The following AK4 variants were observed in gnomAD, a reference collection of about 807,000 sequenced individuals.
AK4 encodes the protein adenylate kinase 4, also known as adenylate kinase 4, mitochondrial.
In AK4, 13 loss-of-function variants were observed where a neutral mutation model predicts 24.6. The observed-to-expected ratio is 0.53, with a 90% CI of 0.34 to 0.84. The LOEUF (loss-of-function observed/expected upper bound fraction) is 0.84, where lower values mean the gene tolerates loss of function less well. AK4 is among the 40% of genes least tolerant of loss of function. The pLI, the probability that AK4 is intolerant of heterozygous loss-of-function variation, is 0.01. For synonymous variants in AK4, 88 were observed against 107.0 expected, an observed-to-expected ratio of 0.82 and a Z score of 1.10; for missense variants, 192 against 288.2, an observed-to-expected ratio of 0.67 and a Z score of 2.42.
At chr1:65,210,394 G>A (rs1037822701) in intron 2 of AK4, among the ~76,000 whole-genome samples, 11 of 151,922 alleles carry the variant, frequency 7.2e-5, no homozygotes, top group African/African-American at 2.2e-4. Flanking sequence ...TTTTATATCC[G>A]CTTCGGTTTC....
chr1:65,188,603 C>A (rs1410180802), intron 1 of AK4, among the ~76,000 whole-genome samples: 1 of 145,390 alleles, frequency 6.9e-6, no homozygotes, highest in South Asian at 2.2e-4. Context: ...CTCAGTCTCC[C>A]GAGTAGCTGG....
chr1:65,167,916 G>C (rs1570078457), intron 1 of AK4, among the ~76,000 whole-genome samples: 2 of 152,022 alleles, frequency 1.3e-5, no homozygotes. Context: ...AATTAAATCC[G>C]CTAGCTCTTC....
Position 65,226,766 on chromosome 1 carries a change from G to C in AK4, c.*589G>C, listed in dbSNP as rs1161946083. On this transcript the variant is annotated 3_prime_UTR_variant, in exon 5 of 5. Transcript: ENST00000327299. The stretch of plus-strand genomic sequence containing the variant: ...CTTTTCTACATCCACGCTCCATAGA[G>C]TCTCTCCTTTTCAGACATCCTGGGA... 6.6e-6 allele frequency: 1 copy of C among 150,452 alleles called. No homozygotes were observed. The highest frequency in any genetic ancestry group is 2.4e-5 in the African/African-American group (1 of 40,842). The allele number at this position is 150,452 out of a possible 1,614,324, so 9.3% of individuals were successfully genotyped here.
chr1:65,161,417 A>G (rs1449393454), intron 1 of AK4, among the ~76,000 whole-genome samples: 1 of 152,138 alleles, frequency 6.6e-6, no homozygotes, highest in Non-Finnish European at 1.5e-5. Flanking sequence ...GGCGGTGCGC[A>G]TGCATGCAGG....
rs1266777260 is a variant in AK4 at position 65,230,639 on chromosome 1, T to C, written c.*4462T>C. Reference sequence around the variant, plus strand: ...TTATTTAAACGGGTTTTCATGTACCTGTAGGGATTAGGAAACTCAAATGGC... The same window carrying C: ...TTATTTAAACGGGTTTTCATGTACCCGTAGGGATTAGGAAACTCAAATGGC... On this transcript the variant is annotated 3_prime_UTR_variant, in exon 5 of 5. Coordinates refer to ENST00000327299, the MANE Select transcript of AK4 (RefSeq NM_013410.4). The C allele has an allele frequency of 2.0e-5, 3 of 152,242 alleles. No individual in the cohort carries two copies. The highest frequency in any genetic ancestry group is 4.4e-5 in the Non-Finnish European group (3 of 68,038). The allele number at this position is 152,242 out of a possible 1,614,324, so 9.4% of individuals were successfully genotyped here.
chr1:65,154,981 G>A (rs1231012833), intron 1 of AK4, among the ~76,000 whole-genome samples: 3 of 151,646 alleles, frequency 2.0e-5, no homozygotes, highest in Admixed American at 1.3e-4. Context: ...TTCCCAAGTA[G>A]CTGGGATTAC....
chr1:65,209,059 A>G (rs905908956), intron 2 of AK4, among the ~76,000 whole-genome samples: 40 of 152,390 alleles, frequency 2.6e-4, no homozygotes, highest in South Asian at 8.3e-4. Context: ...AGATTCTGGA[A>G]GAAATTTAAA....
At chr1:65,177,324 T>G (rs947335098) in intron 1 of AK4, among the ~76,000 whole-genome samples, 13 of 152,216 alleles carry the variant, frequency 8.5e-5, no homozygotes, top group African/African-American at 2.9e-4. Context: ...TTTCAAAGTT[T>G]TAAAAATTAT....
intron 2 of AK4, among the ~76,000 whole-genome samples, chr1:65,199,104 A>G (rs1264846881): frequency 6.9e-6 from 1 of 144,496 alleles, no homozygotes; most frequent in African/African-American, 2.6e-5. Context: ...AAAAAAAAAA[A>G]GAATTTGGGC....
chr1:65,197,920 C>CA (rs1170173676), intron 2 of AK4, among the ~76,000 whole-genome samples: 1 of 152,036 alleles, frequency 6.6e-6, no homozygotes, highest in African/African-American at 2.4e-5. Flanking sequence ...TAGGAAATGC[C>CA]AAGGGTAATT....
intron 2 of AK4, among the ~76,000 whole-genome samples, chr1:65,209,194 G>A (rs559990598): frequency 8.5e-5 from 13 of 152,294 alleles, no homozygotes; most frequent in African/African-American, 2.4e-4. Flanking sequence ...TAAAGCATGC[G>A]GTGGAACAGA....
At chr1:65,202,933 AC>A (rs35119851) in intron 2 of AK4, among the ~76,000 whole-genome samples, 56,201 of 142,868 alleles carry the variant, frequency 0.39, 11,161 homozygotes, top group East Asian at 0.68. Flanking sequence ...GTGTAGTGGC[AC>A]CATCATAGCT....
At chr1:65,175,504 C>T (rs1259322607) in intron 1 of AK4, among the ~76,000 whole-genome samples, 6 of 152,146 alleles carry the variant, frequency 3.9e-5, no homozygotes, top group African/African-American at 4.8e-5. Context: ...ATGGCACAGC[C>T]GGATAGATTC....
Position 65,224,126 on chromosome 1 carries a change from G to C in AK4, c.439-626G>C, listed in dbSNP as rs560368292. On this transcript the variant is annotated intron_variant, in intron 3 of 4. Transcript: ENST00000327299. ...AAAGGATTTAACAAATCCAACACCA[G>C]CTTACCTTTTGAGTAATATAATTTA... Among the ~76,000 whole-genome samples, 5 of 152,244 alleles carry C rather than the reference G, an allele frequency of 3.3e-5. No individual in the cohort carries two copies. The East Asian group carries it at 9.6e-4, about 29-fold the overall frequency.
rs142977116 is a variant in AK4 at position 65,226,033 on chromosome 1, A to C, written c.558-30A>C. The C allele has an allele frequency of 9.2e-4, 1,473 of 1,609,254 alleles. 12 individuals are homozygous for C. The African/African-American group carries it at 0.017, about 19-fold the overall frequency. On this transcript the variant is annotated intron_variant, in intron 4 of 4. Transcript: ENST00000327299. ...TAATACGTGGAAAAGAAACCTAAAA[A>C]GCCATTGTATGTTGGGCTTTGTTTT...
At chr1:65,157,807 A>G (rs1650028792) in intron 1 of AK4, among the ~76,000 whole-genome samples, 1 of 151,976 alleles carries the variant, frequency 6.6e-6, no homozygotes. Flanking sequence ...AAAAAAATTA[A>G]CTGAGGCTGC....
chr1:65,155,482 A>G (rs1163733544), intron 1 of AK4, among the ~76,000 whole-genome samples: 3 of 152,188 alleles, frequency 2.0e-5, no homozygotes, highest in Non-Finnish European at 4.4e-5. Context: ...CAGAAAGTAA[A>G]TAAAAAAATG....
chr1:65,214,519 C>T (rs984688072), intron 2 of AK4, among the ~76,000 whole-genome samples: 1 of 152,066 alleles, frequency 6.6e-6, no homozygotes, highest in Non-Finnish European at 1.5e-5. Flanking sequence ...GGTAAAGTCC[C>T]GGGATTAAAT....
intron 2 of AK4, among the ~76,000 whole-genome samples, chr1:65,200,206 C>T (rs1029078630): frequency 7.2e-5 from 11 of 151,990 alleles, no homozygotes; most frequent in East Asian, 1.9e-4. Flanking sequence ...CTCTGCGTCA[C>T]GGGCTCCGGT....
Sources: gnomAD v4.1 joint callset for allele counts (sites outside exome capture counted in the v4.1 genomes callset) on GRCh38, gnomAD v4.1.1 for gene constraint, MANE v1.5 for transcripts, NCBI Gene and HGNC (gene_info 2026-07-23, HGNC 2026-07-21) for gene names.